ZNF596: variants seen among roughly 807,000 people sequenced by gnomAD.
ZNF596 encodes zinc finger protein 596.
ZNF596 carries 45 observed loss-of-function variants against 48.3 expected under a neutral mutation model. The observed-to-expected ratio is 0.93, with a 90% CI of 0.73 to 1.19. The LOEUF is 1.19. Ranked by LOEUF, ZNF596 falls within the 50% of genes most tolerant of loss-of-function variation. The pLI, the probability that ZNF596 is intolerant of heterozygous loss-of-function variation, is 0.00. For synonymous variants in ZNF596, 270 were observed against 202.0 expected, an observed-to-expected ratio of 1.34 and a Z score of -2.85; for missense variants, 848 against 599.7, an observed-to-expected ratio of 1.41 and a Z score of -4.32.
rs780161817 is a variant in ZNF596, at chr8:246,299, T to C, written c.1452T>C (p.Phe484=). The C allele has an allele frequency of 1.9e-6, 3 of 1,606,324 alleles. No individual in the cohort carries two copies. Among genetic ancestry groups the C allele is most frequent in the East Asian group, 4.5e-5 (2 of 44,748 alleles). ...PYVCPLCGKA[F]SKFFNLRQHE... ...TATGTCCTCTATGTGGGAAAGCCTT[T>C]AGTAAATTTTTTAACCTTAGACAAC... Residue 484 remains phenylalanine (F), a synonymous_variant, in exon 6 of 6, where the codon TTT becomes TTC. Transcript: ENST00000398612.
At chr8:235,788 T>TCATATTTTATCA (rs1796593231) in intron 1 of ZNF596, among the ~76,000 whole-genome samples, 4 of 152,330 alleles carry the variant, frequency 2.6e-5, no homozygotes, top group Middle Eastern at 6.8e-3. Context: ...TAAAATATTA[T>TCATATTTTATCA]GTTTTATTCA....
chr8:245,282 G>T lies in ZNF596; in HGVS notation c.435G>T (p.Gly145=). The T allele has an allele frequency of 1.2e-6, 2 of 1,614,034 alleles. No homozygotes were observed. Among genetic ancestry groups the T allele is most frequent in the Non-Finnish European group, 1.7e-6 (2 of 1,179,996 alleles). Residue 145 remains glycine, a synonymous_variant, in exon 6 of 6, where the codon GGG becomes GGT. Transcript: ENST00000398612. ...RTKHFVSKKF[G]KIFSDWLSFN... is the part of the protein sequence containing the mutation. ...AACACTTTGTAAGCAAAAAGTTTGG[G>T]AAAATCTTCAGTGACTGGTTATCCT...
At chr8:237,523 A>G (rs1796667638) in intron 1 of ZNF596, 1 of 152,118 alleles carries the variant, frequency 6.6e-6, no homozygotes, top group African/African-American at 2.4e-5. Context: ...TAATTGGAAT[A>G]CCCCTTTGAT....
intron 1 of ZNF596, among the ~76,000 whole-genome samples, chr8:233,851 G>A (rs1459000209): frequency 5.3e-5 from 8 of 152,208 alleles, no homozygotes; most frequent in African/African-American, 1.9e-4. Context: ...TTAAGAGTGT[G>A]ACATATGATC....
intron 2 of ZNF596, among the ~76,000 whole-genome samples, chr8:242,418 G>C (rs912346106): frequency 6.8e-6 from 1 of 147,326 alleles, no homozygotes; most frequent in African/African-American, 2.7e-5. Flanking sequence ...GGACCTTTTT[G>C]AACTCATAAC....
Position 245,974 on chromosome 8 carries a change from C to A in ZNF596, c.1127C>A (p.Ser376Tyr). ...TGTGGGAAAGCATTCACTGAATCTT[C>A]TGTGCTTAAACGACATGAGAGAATT... ...HLCGKAFTES[S>Y]VLKRHERIHT... The change falls in exon 6 of 6, where the codon TCT becomes TAT. Residue 376 changes from serine to tyrosine, a missense_variant. By Grantham distance (144) the Ser-to-Tyr change is moderately radical. Transcript: ENST00000398612. 6.2e-7 allele frequency: 1 copy of A among 1,614,060 alleles called. No homozygotes were observed. Among genetic ancestry groups the A allele is most frequent in the Non-Finnish European group, 8.5e-7 (1 of 1,180,016 alleles).
chr8:239,945 T>C (rs182865824), intron 1 of ZNF596, among the ~76,000 whole-genome samples: 1 of 152,150 alleles, frequency 6.6e-6, no homozygotes, highest in Non-Finnish European at 1.5e-5. Context: ...GACACTCTTA[T>C]CACCTATGAA....
In ZNF596 at chr8:244,613, T is replaced by C; in HGVS notation, c.224-6T>C. On this transcript the variant is annotated splice_region_variant and splice_polypyrimidine_tract_variant and intron_variant, in intron 4 of 5. Coordinates refer to ENST00000398612, the MANE Select transcript of ZNF596 (RefSeq NM_001042416.3). ...TATAGCATCTTTTTTTTTTCATTTA[T>C]TTCAGGTAGAGAAGTTGGCATTAAA... is the stretch of plus-strand genomic sequence containing the variant. 6.2e-7 allele frequency: 1 copy of C among 1,602,376 alleles called. No homozygotes were observed. The highest frequency in any genetic ancestry group is 8.5e-7 in the Non-Finnish European group (1 of 1,171,892).
At position 247,008 on chromosome 8, in the gene ZNF596, G is replaced by GT. The variant is rs1797117396; in HGVS notation, c.*647dup. On this transcript the variant is annotated 3_prime_UTR_variant, in exon 6 of 6. Transcript: ENST00000398612. ...CTCTCAATGACATGAATGGAGGGTA[G>GT]TCCTCAGTAAATTACTCATTCCTTA... The GT allele has an allele frequency of 6.7e-6, 1 of 149,416 alleles. No individual in the cohort carries two copies. Among genetic ancestry groups the GT allele is most frequent in the Non-Finnish European group, 1.5e-5 (1 of 67,054 alleles). The allele number at this position is 149,416 out of a possible 1,614,324, so 9.3% of individuals were successfully genotyped here. A position where few individuals can be genotyped will look rare whatever the true frequency, so the allele number is the denominator to read the frequency against.
chr8:236,706 A>G (rs1447622636), intron 1 of ZNF596, among the ~76,000 whole-genome samples: 2 of 152,182 alleles, frequency 1.3e-5, no homozygotes, highest in Non-Finnish European at 2.9e-5. Context: ...TAGGTTTTCT[A>G]GTATGGAATT....
rs764688766 is a variant in ZNF596, at chr8:246,396, C to A, written c.*34C>A. On this transcript the variant is annotated 3_prime_UTR_variant, in exon 6 of 6. Transcript: ENST00000398612. Reference sequence around the variant, plus strand: ...AGCTGTAGCGTTAACACTAAATACACCAAGGACAAACATACTACAGGAATA... The same window carrying A: ...AGCTGTAGCGTTAACACTAAATACAACAAGGACAAACATACTACAGGAATA... 1 of 1,534,740 alleles carries A rather than the reference C, an allele frequency of 6.5e-7. No homozygotes were observed. Among genetic ancestry groups the A allele is most frequent in the African/African-American group, 1.4e-5 (1 of 72,080 alleles).
intron 4 of ZNF596, 65 bp downstream of exon 4, chr8:243,870 C>A: frequency 7.6e-7 from 1 of 1,321,546 alleles, no homozygotes; most frequent in South Asian, 1.2e-5. Context: ...TGAGTAGGAC[C>A]CAACAGTTGC....
intron 2 of ZNF596, among the ~76,000 whole-genome samples, chr8:242,205 C>T (rs1031051689): frequency 1.3e-5 from 2 of 152,186 alleles, no homozygotes; most frequent in Non-Finnish European, 2.9e-5. Flanking sequence ...GAGTCCCTGG[C>T]TTGTGCTGCT....
At position 245,446 on chromosome 8, in the gene ZNF596, G is replaced by C. The variant is rs769022671; in HGVS notation, c.599G>C (p.Cys200Ser). 3.7e-6 allele frequency: 6 copies of C among 1,614,170 alleles called. No homozygotes were observed. The highest frequency in any genetic ancestry group is 5.1e-6 in the Non-Finnish European group (6 of 1,180,018). Residue 200 changes from cysteine to serine, a missense_variant, in exon 6 of 6, where the codon TGT (cysteine) becomes TCT (serine). By Grantham distance (112) the Cys-to-Ser change is moderately radical. Coordinates refer to ENST00000398612, the MANE Select transcript of ZNF596 (RefSeq NM_001042416.3). ...GAGATAACATTGGAATGTCGTGTGT[G>C]TGGGAAAACCTTTAGCAAAAATTCT... The part of the protein sequence containing the change: ...TREITLECRV[C>S]GKTFSKNSNL...
At position 246,321 on chromosome 8, in the gene ZNF596, C is replaced by T. The variant is rs772909696; in HGVS notation, c.1474C>T (p.Gln492Ter). 1.2e-6 allele frequency: 2 copies of T among 1,602,178 alleles called. No individual in the cohort carries two copies. The highest frequency in any genetic ancestry group is 3.5e-5 in the Admixed American group (2 of 57,220). Residue 492 changes from glutamine to a stop codon, truncating the protein, a stop_gained, in exon 6 of 6, where the codon CAA becomes TAA. Coordinates refer to ENST00000398612, the MANE Select transcript of ZNF596 (RefSeq NM_001042416.3). LOFTEE classifies it high-confidence loss of function. ...KAFSKFFNLRQHERTHTKKAM... is the reference protein window; with the variant it reads ...KAFSKFFNLR Reference sequence around the variant, plus strand: ...CTTTAGTAAATTTTTTAACCTTAGACAACATGAGAGAACTCACACTAAAAA... The same window carrying T: ...CTTTAGTAAATTTTTTAACCTTAGATAACATGAGAGAACTCACACTAAAAA...
intron 3 of ZNF596, 90 bp from the exon 4 acceptor site, chr8:243,632 A>ATCCT: frequency 1.5e-6 from 2 of 1,301,366 alleles, no homozygotes; most frequent in South Asian, 2.6e-5. Flanking sequence ...TGGCTAACTT[A>ATCCT]TCCTTCCCAG....
intron 1 of ZNF596, among the ~76,000 whole-genome samples, chr8:239,291 C>T (rs756353295): frequency 2.6e-5 from 4 of 152,158 alleles, no homozygotes; most frequent in East Asian, 1.9e-4. Flanking sequence ...CAGGTTCAAG[C>T]GATTCTCATA....
intron 1 of ZNF596, among the ~76,000 whole-genome samples, chr8:239,068 C>T (rs1796743791): frequency 6.6e-6 from 1 of 151,888 alleles, no homozygotes; most frequent in Admixed American, 6.6e-5. Context: ...GAAGAAAGAA[C>T]CAGTGAACTC....
intron 1 of ZNF596, 121 bp downstream of exon 1, chr8:232,815 C>T: frequency 2.3e-6 from 1 of 433,794 alleles, no homozygotes; most frequent in South Asian, 1.7e-5. Context: ...CCATCCTTCC[C>T]TCCGCCAGGC....
Sources: allele counts gnomAD v4.1 joint callset (sites outside exome capture counted in the v4.1 genomes callset), GRCh38; gene constraint gnomAD v4.1.1; transcripts MANE v1.5; gene names NCBI Gene and HGNC (gene_info 2026-07-23, HGNC 2026-07-21).